Variants in DCC observed in about 807,000 individuals in gnomAD.
DCC encodes the protein DCC netrin 1 receptor.
Under a neutral mutation model 172.5 loss-of-function variants are expected in DCC, and 58 were observed. That is an observed-to-expected ratio of 0.34 (90% confidence interval 0.27 to 0.42). The LOEUF is 0.42. Among genes scored for constraint, DCC ranks in the 10% least tolerant of loss-of-function variants. The probability of loss-of-function intolerance (pLI) is 1.00; values close to 1 mark genes in which losing one functional copy is unlikely to be tolerated. For synonymous variants in DCC, 709 were observed against 644.5 expected (o/e 1.10, Z -1.52); for missense variants, 1,740 against 1,791.0 (o/e 0.97, Z 0.51).
At chr18:52,946,051 C>T (rs555404873) in intron 5 of DCC, among the ~76,000 whole-genome samples, 1 of 152,092 alleles carries the variant, frequency 6.6e-6, no homozygotes, top group African/African-American at 2.4e-5. Flanking sequence ...TTCATCTGGC[C>T]TCTGTGAACA....
intron 2 of DCC, among the ~76,000 whole-genome samples, chr18:52,894,966 A>T (rs897502626): frequency 6.6e-6 from 1 of 152,222 alleles, no homozygotes; most frequent in African/African-American, 2.4e-5. Context: ...AGTCAAGGTG[A>T]CACGTAGAAT....
chr18:52,546,657 A>AAC (rs2032624919), intron 1 of DCC, among the ~76,000 whole-genome samples: 5 of 142,754 alleles, frequency 3.5e-5, no homozygotes, highest in Admixed American at 1.5e-4. Context: ...GATCAATAAT[A>AAC]ATATCATCAT....
At chr18:53,259,845 C>T (rs1345409751) in intron 12 of DCC, among the ~76,000 whole-genome samples, 4 of 152,150 alleles carry the variant, frequency 2.6e-5, no homozygotes, top group Non-Finnish European at 5.9e-5. Flanking sequence ...CTTTCAGGTA[C>T]ACCAATCAGA....
chr18:52,352,151 T>C (rs1235002273), intron 1 of DCC, among the ~76,000 whole-genome samples: 1 of 152,250 alleles, frequency 6.6e-6, no homozygotes. Flanking sequence ...AGTAGTTAGC[T>C]ATATACAATA....
chr18:53,275,606 G>A (rs902861883), intron 12 of DCC, among the ~76,000 whole-genome samples: 1 of 151,958 alleles, frequency 6.6e-6, no homozygotes, highest in Non-Finnish European at 1.5e-5. Context: ...TCGTAGTCAA[G>A]TAAACAAACA....
chr18:52,813,793 G>C (rs920292492), intron 2 of DCC, among the ~76,000 whole-genome samples: 1 of 152,170 alleles, frequency 6.6e-6, no homozygotes, highest in Non-Finnish European at 1.5e-5. Context: ...TGAAAACTCT[G>C]CCTGCCTAAC....
intron 1 of DCC, among the ~76,000 whole-genome samples, chr18:52,667,624 T>C (rs1414896058): frequency 6.6e-6 from 1 of 152,216 alleles, no homozygotes; most frequent in Non-Finnish European, 1.5e-5. Flanking sequence ...TACTAATTTA[T>C]GCACTGCTTC....
At chr18:52,781,234 G>A (rs57112015) in intron 2 of DCC, among the ~76,000 whole-genome samples, 3,430 of 152,200 alleles carry the variant, frequency 0.023, 127 homozygotes, top group African/African-American at 0.078. Flanking sequence ...CGCAACCCCT[G>A]CAACTTCCTT....
intron 17 of DCC, among the ~76,000 whole-genome samples, chr18:53,393,153 G>A (rs1026279725): frequency 2.9e-4 from 18 of 63,070 alleles, no homozygotes; most frequent in Admixed American, 1.7e-3. Flanking sequence ...AATATTTCGA[G>A]GATGTTTTTT....
At chr18:52,999,252 G>A (rs984507210) in intron 5 of DCC, among the ~76,000 whole-genome samples, 3 of 151,812 alleles carry the variant, frequency 2.0e-5, no homozygotes, top group African/African-American at 7.3e-5. Flanking sequence ...GCTTCTAACT[G>A]TAAAACAGCA....
chr18:52,757,461 A>G (rs1219680513), intron 2 of DCC, among the ~76,000 whole-genome samples: 1 of 152,164 alleles, frequency 6.6e-6, no homozygotes, highest in African/African-American at 2.4e-5. Context: ...GCTTTTTTAT[A>G]CAACCATGAC....
At chr18:52,513,171 G>A (rs1322516626) in intron 1 of DCC, among the ~76,000 whole-genome samples, 1 of 152,140 alleles carries the variant, frequency 6.6e-6, no homozygotes, top group Non-Finnish European at 1.5e-5. Context: ...TGGAAAGAAG[G>A]GATAGTAATA....
chr18:53,461,368 C>G (rs1406669491), intron 24 of DCC, among the ~76,000 whole-genome samples: 2 of 151,816 alleles, frequency 1.3e-5, no homozygotes, highest in Non-Finnish European at 2.9e-5. Flanking sequence ...TGCCTATGTC[C>G]TGAATGGTAA....
intron 14 of DCC, among the ~76,000 whole-genome samples, chr18:53,330,885 A>G (rs2057523388): frequency 1.3e-5 from 2 of 152,228 alleles, no homozygotes; most frequent in African/African-American, 2.4e-5. Context: ...GACTTGAAAC[A>G]AAGACCATGC....
intron 1 of DCC, among the ~76,000 whole-genome samples, chr18:52,538,161 G>A (rs921625059): frequency 5.3e-5 from 8 of 152,186 alleles, no homozygotes; most frequent in South Asian, 4.1e-4. Context: ...ATCTTCCTCC[G>A]AAGTCTCCCA....
At chr18:53,072,030 A>C (rs2042658608) in intron 7 of DCC, among the ~76,000 whole-genome samples, 1 of 152,264 alleles carries the variant, frequency 6.6e-6, no homozygotes, top group Non-Finnish European at 1.5e-5. Context: ...TGGGAGGCTG[A>C]GGCCAGGACA....
At chr18:53,423,203 T>C (rs549065707) in intron 21 of DCC, among the ~76,000 whole-genome samples, 3 of 152,316 alleles carry the variant, frequency 2.0e-5, no homozygotes, top group Admixed American at 1.3e-4. Flanking sequence ...ACACTTCAAA[T>C]AAAATTCCAT....
chr18:52,679,775 C>T (rs1302406321), intron 1 of DCC, among the ~76,000 whole-genome samples: 1 of 152,088 alleles, frequency 6.6e-6, no homozygotes, highest in Non-Finnish European at 1.5e-5. Flanking sequence ...AGGTTTACTT[C>T]CCTAAATCAA....
chr18:52,433,916 T>G lies in DCC; in HGVS notation c.91+93038T>G, dbSNP rs16955000. Among the ~76,000 whole-genome samples the G allele has an allele frequency of 6.5e-3, 982 of 151,840 alleles. 9 individuals are homozygous for G. Among genetic ancestry groups the G allele is most frequent in the African/African-American group, 0.022 (914 of 41,384 alleles). On this transcript the variant is annotated intron_variant, in intron 1 of 28. Coordinates refer to ENST00000442544, the MANE Select transcript of DCC (RefSeq NM_005215.4). ...TTCCCTGTGATATAGACCATAAGAG[T>G]TGAACCTAAGAATGTCAGTCATAAG...
Sources: allele counts gnomAD v4.1 joint callset (sites outside exome capture counted in the v4.1 genomes callset), GRCh38; gene constraint gnomAD v4.1.1; transcripts MANE v1.5; gene names NCBI Gene and HGNC (gene_info 2026-07-23, HGNC 2026-07-21).